Variants in AKAP3 observed in about 807,000 individuals in gnomAD.
AKAP3 encodes the protein A-kinase anchor protein 3.
A neutral mutation model predicts 57.2 loss-of-function variants in AKAP3; 27 were observed. The observed-to-expected ratio is 0.47, with a 90% CI of 0.35 to 0.65. The LOEUF is 0.65. AKAP3 is among the 30% of genes least tolerant of loss of function. AKAP3 has a pLI of 0.01. For missense variants in AKAP3, 959 were observed against 1,040.0 expected (o/e 0.92, Z 1.07); for synonymous variants, 334 against 392.3 (o/e 0.85, Z 1.76).
rs555606582 is a variant in AKAP3, at chr12:4,626,735, T to G, written c.2167A>C (p.Thr723Pro). The part of the protein sequence containing the change: ...SLYECLPAKG[T>P]GSAEAVLQNA... ...TGCAGGACAGCTTCTGCTGACCCTGTGCCCTTGGCTGGTAAGCACTCATAT... is the reference window on the plus strand; with the variant it reads ...TGCAGGACAGCTTCTGCTGACCCTGGGCCCTTGGCTGGTAAGCACTCATAT... The change falls in exon 5 of 6, where the codon ACA becomes CCA. Residue 723 changes from threonine to proline, a missense_variant. Transcript: ENST00000228850. The G allele has an allele frequency of 2.6e-5, 42 of 1,614,208 alleles. No individual in the cohort carries two copies. The Middle Eastern group carries it at 5.0e-4, about 19-fold the overall frequency.
chr12:4,618,597 G>A (rs1389861501), intron 5 of AKAP3, among the ~76,000 whole-genome samples: 1 of 152,212 alleles, frequency 6.6e-6, no homozygotes, highest in Non-Finnish European at 1.5e-5. Flanking sequence ...TGGGTTTGTT[G>A]TGGGGCTATT....
intron 5 of AKAP3, among the ~76,000 whole-genome samples, chr12:4,616,982 C>G (rs1945292776): frequency 1.3e-5 from 2 of 152,022 alleles, no homozygotes; most frequent in South Asian, 4.2e-4. Context: ...GCTCAGGGTA[C>G]CTAAAATAAA....
intron 5 of AKAP3, among the ~76,000 whole-genome samples, chr12:4,624,298 T>C (rs1221123228): frequency 6.7e-6 from 1 of 149,686 alleles, no homozygotes; most frequent in Non-Finnish European, 1.5e-5. Flanking sequence ...ATATAAAAAA[T>C]AATAATTTGT....
rs192004902 is a variant in AKAP3 at position 4,630,856 on chromosome 12, G to A, written c.97-2051C>T. Among the ~76,000 whole-genome samples the A allele has an allele frequency of 4.9e-3, 748 of 152,260 alleles. 1 individual carries two copies. The highest frequency in any genetic ancestry group is 0.01 in the Middle Eastern group (3 of 294). Reference sequence around the variant, plus strand: ...ACTTCAATATTTCCAAGCTATATGTGTCTTTTGAACCTCACCAGTTCCTTG... The same window carrying A: ...ACTTCAATATTTCCAAGCTATATGTATCTTTTGAACCTCACCAGTTCCTTG... On this transcript the variant is annotated intron_variant, in intron 4 of 5. Transcript: ENST00000228850.
intron 3 of AKAP3, among the ~76,000 whole-genome samples, chr12:4,639,903 G>C (rs1446717519): frequency 7.1e-6 from 1 of 141,362 alleles, no homozygotes; most frequent in Non-Finnish European, 1.5e-5. Flanking sequence ...TGCAAGCTCC[G>C]CCTCCTGGGT....
chr12:4,623,076 C>T (rs552507197), intron 5 of AKAP3, among the ~76,000 whole-genome samples: 1 of 152,168 alleles, frequency 6.6e-6, no homozygotes, highest in East Asian at 1.9e-4. Context: ...TAATGAGATA[C>T]CATCTCACAC....
chr12:4,639,079 G>A (rs536040933), intron 3 of AKAP3, among the ~76,000 whole-genome samples: 1 of 151,892 alleles, frequency 6.6e-6, no homozygotes, highest in South Asian at 2.1e-4. Flanking sequence ...GATTCTCCTT[G>A]CAAATGAGTA....
chr12:4,620,880 T>G (rs1945340042), intron 5 of AKAP3, among the ~76,000 whole-genome samples: 1 of 152,226 alleles, frequency 6.6e-6, no homozygotes, highest in Admixed American at 6.5e-5. Flanking sequence ...ACTTTTGGTA[T>G]TATTTTAGTC....
chr12:4,627,619 G>A lies in AKAP3; in HGVS notation c.1283C>T (p.Thr428Ile). 1.9e-6 allele frequency: 3 copies of A among 1,613,970 alleles called. No individual in the cohort carries two copies. The highest frequency in any genetic ancestry group is 2.5e-6 in the Non-Finnish European group (3 of 1,180,014). ...RNVNFAMKSE[T>I]KLREKMYSEP... is the part of the protein sequence containing the mutation. ...AGAATACATTTTTTCTCTCAATTTA[G>A]TTTCAGATTTCATGGCAAAGTTCAC... The change falls in exon 5 of 6, where the codon ACT becomes ATT. Residue 428 changes from threonine to isoleucine, a missense_variant. By Grantham distance (89) the Thr-to-Ile change is moderately conservative. Coordinates refer to ENST00000228850, the MANE Select transcript of AKAP3 (RefSeq NM_001278309.2).
At chr12:4,635,742 G>T in intron 4 of AKAP3, 1 of 718,068 alleles carries the variant, frequency 1.4e-6, no homozygotes, top group Non-Finnish European at 2.6e-6. Flanking sequence ...GCTAGGCTAC[G>T]GTATCATTCT....
At chr12:4,640,974 ACT>A (rs1243805971) in intron 3 of AKAP3, among the ~76,000 whole-genome samples, 2 of 151,056 alleles carry the variant, frequency 1.3e-5, no homozygotes, top group African/African-American at 4.9e-5. Context: ...ATCTGGACAG[ACT>A]CTGTGAAAAA....
intron 4 of AKAP3, among the ~76,000 whole-genome samples, chr12:4,629,890 A>G (rs1278085822): frequency 1.3e-5 from 2 of 152,198 alleles, no homozygotes; most frequent in Non-Finnish European, 2.9e-5. Context: ...TCATTTAACA[A>G]TCCGATTTAT....
chr12:4,646,499 T>C (rs1945700275), intron 1 of AKAP3, among the ~76,000 whole-genome samples: 1 of 151,908 alleles, frequency 6.6e-6, no homozygotes, highest in Non-Finnish European at 1.5e-5. Context: ...GGCAGAACCC[T>C]GTCTCTACTA....
chr12:4,636,306 A>T (rs1945564673), intron 4 of AKAP3, among the ~76,000 whole-genome samples: 1 of 152,256 alleles, frequency 6.6e-6, no homozygotes, highest in Non-Finnish European at 1.5e-5. Flanking sequence ...CATGGCCCGT[A>T]GGACGAGAGT....
chr12:4,615,625 G>A lies in AKAP3; in HGVS notation c.*114C>T. On this transcript the variant is annotated 3_prime_UTR_variant, in exon 6 of 6. Coordinates refer to ENST00000228850, the MANE Select transcript of AKAP3 (RefSeq NM_001278309.2). ...ATGTCTTTGATGAGAGTGGTGTGAAGATAATGTTAGGGCTCTGTGAGGATA... is the reference window on the plus strand; with the variant it reads ...ATGTCTTTGATGAGAGTGGTGTGAAAATAATGTTAGGGCTCTGTGAGGATA... 1 of 1,322,578 alleles carries A rather than the reference G, an allele frequency of 7.6e-7. No individual in the cohort carries two copies. Among genetic ancestry groups the A allele is most frequent in the Non-Finnish European group, 1.0e-6 (1 of 964,468 alleles). 81.9% of individuals were successfully genotyped at this position (1,322,578 alleles called of 1,614,324 possible). A position where few individuals can be genotyped will look rare whatever the true frequency, so the allele number is the denominator to read the frequency against.
Position 4,628,217 on chromosome 12 carries a change from C to A in AKAP3, c.685G>T (p.Gly229Cys), listed in dbSNP as rs1248096809. Residue 229 changes from glycine (G) to cysteine (C), a missense_variant, in exon 5 of 6, where the codon GGT becomes TGT. Transcript: ENST00000228850. Reference protein sequence around the residue: ...KIKESTKERQGPDDKPPSKKS... With the variant: ...KIKESTKERQCPDDKPPSKKS... ...TTAGAAGGAGGCTTGTCATCTGGACCCTGTCTTTCTTTGGTGCTCTCCTTG... is the reference window on the plus strand; with the variant it reads ...TTAGAAGGAGGCTTGTCATCTGGACACTGTCTTTCTTTGGTGCTCTCCTTG... The A allele has an allele frequency of 8.1e-6, 13 of 1,613,906 alleles. No individual in the cohort carries two copies. In the Middle Eastern group the frequency reaches 4.9e-4, roughly 61 times the overall value.
chr12:4,634,333 A>C (rs1945538080), intron 4 of AKAP3, among the ~76,000 whole-genome samples: 1 of 152,162 alleles, frequency 6.6e-6, no homozygotes, highest in Non-Finnish European at 1.5e-5. Context: ...TCAAAAGGGG[A>C]GAGAGAAATC....
chr12:4,616,326 T>G (rs1212141121), intron 5 of AKAP3, among the ~76,000 whole-genome samples: 1 of 152,218 alleles, frequency 6.6e-6, no homozygotes, highest in East Asian at 1.9e-4. Flanking sequence ...GTACAGAGAT[T>G]TGTCAGAATT....
At position 4,615,809 on chromosome 12, in the gene AKAP3, C is replaced by T. The variant is rs375536302; in HGVS notation, c.2492G>A (p.Arg831His). 1.6e-5 allele frequency: 26 copies of T among 1,614,090 alleles called. No individual in the cohort carries two copies. The highest frequency in any genetic ancestry group is 5.0e-5 in the Admixed American group (3 of 60,012). The change falls in exon 6 of 6, where the codon CGC (arginine) becomes CAC (histidine). Residue 831 changes from arginine (R) to histidine (H), a missense_variant. Arg to His is a conservative substitution (Grantham distance 29, BLOSUM62 0). Coordinates refer to ENST00000228850, the MANE Select transcript of AKAP3 (RefSeq NM_001278309.2). ...ATTCCCCACCGCCTCATTCAGCTGG[C>T]GCTCCTTCTCATAGCGCAGCACCGA... is the stretch of plus-strand genomic sequence containing the variant. ...LQSVLRYEKE[R>H]QLNEAVGNVT...
Sources: allele counts gnomAD v4.1 joint callset (sites outside exome capture counted in the v4.1 genomes callset), GRCh38; gene constraint gnomAD v4.1.1; transcripts MANE v1.5; gene names NCBI Gene and HGNC (gene_info 2026-07-23, HGNC 2026-07-21).